Variants in PLEKHA7 observed in about 807,000 individuals in gnomAD.
PLEKHA7 encodes the protein pleckstrin homology domain containing A7, also known as pleckstrin homology domain-containing family A member 7.
In PLEKHA7, 104 loss-of-function variants were observed where a neutral mutation model predicts 170.0. That is an observed-to-expected ratio of 0.61 (90% CI 0.52 to 0.72). The LOEUF (loss-of-function observed/expected upper bound fraction) is 0.72. PLEKHA7 is among the 30% of genes least tolerant of loss of function. The probability of loss-of-function intolerance (pLI) is 0.00; values close to 1 mark genes in which losing one functional copy is unlikely to be tolerated. For missense variants in PLEKHA7, 1,615 were observed against 1,671.7 expected (o/e 0.97, Z 0.59); for synonymous variants, 648 against 660.8 (o/e 0.98, Z 0.30).
At chr11:16,981,871 C>T (rs941790313) in intron 3 of PLEKHA7, among the ~76,000 whole-genome samples, 2 of 152,174 alleles carry the variant, frequency 1.3e-5, no homozygotes, top group Admixed American at 6.5e-5. Context: ...AGGCTGTCGT[C>T]ATGGAGCCGG....
In PLEKHA7 at chr11:16,791,461, A is replaced by T; in HGVS notation, c.2746-262T>A. ...GTATAACTGTGTCCTGAAACCCAGGACTCAGGTCTCCTGGGTCCATGCCCT... is the reference window on the plus strand; with the variant it reads ...GTATAACTGTGTCCTGAAACCCAGGTCTCAGGTCTCCTGGGTCCATGCCCT... On this transcript the variant is annotated intron_variant, in intron 19 of 26. Coordinates refer to ENST00000531066, the MANE Select transcript of PLEKHA7 (RefSeq NM_001329630.2). The surrounding 1 kb of genome is among the most constrained non-coding windows in gnomAD (Gnocchi z 4.5). The T allele has an allele frequency of 1.6e-6, 1 of 615,156 alleles. No homozygotes were observed. Among genetic ancestry groups the T allele is most frequent in the Non-Finnish European group, 3.0e-6 (1 of 334,182 alleles). The allele number at this position is 615,156 out of a possible 1,614,324, so 38.1% of individuals were successfully genotyped here. A position where few individuals can be genotyped will look rare whatever the true frequency, so the allele number is the denominator to read the frequency against.
chr11:16,869,206 C>CT (rs1220660919), intron 4 of PLEKHA7, among the ~76,000 whole-genome samples: 1 of 152,200 alleles, frequency 6.6e-6, no homozygotes. Flanking sequence ...CACTCACTCT[C>CT]TTTACTAGTA....
intron 23 of PLEKHA7, chr11:16,786,830 C>T: frequency 1.0e-6 from 1 of 985,364 alleles, no homozygotes; most frequent in Non-Finnish European, 1.2e-6. Flanking sequence ...AGAAGAATAA[C>T]CAAGGATCTT....
intron 3 of PLEKHA7, among the ~76,000 whole-genome samples, chr11:16,897,874 G>C (rs984848578): frequency 1.3e-5 from 2 of 152,148 alleles, no homozygotes; most frequent in Admixed American, 6.5e-5. Flanking sequence ...CCTCTCAGGG[G>C]ACAAGGAAAA....
At chr11:16,908,833 G>A (rs1858048726) in intron 3 of PLEKHA7, among the ~76,000 whole-genome samples, 1 of 152,186 alleles carries the variant, frequency 6.6e-6, no homozygotes, top group South Asian at 2.1e-4. Flanking sequence ...TACCCAGCCT[G>A]TGTTATTTTG....
At chr11:16,787,140 C>A (rs1409668212) in intron 23 of PLEKHA7, 21 of 985,258 alleles carry the variant, frequency 2.1e-5, no homozygotes, top group Non-Finnish European at 2.5e-5. Flanking sequence ...TGTCCAGCTC[C>A]GTGGTGACTT....
Position 16,801,082 on chromosome 11 carries a change from G to C in PLEKHA7, c.2308-7C>G. The C allele has an allele frequency of 6.2e-7, 1 of 1,612,568 alleles. No homozygotes were observed. Among genetic ancestry groups the C allele is most frequent in the East Asian group, 2.2e-5 (1 of 44,866 alleles). On this transcript the variant is annotated splice_region_variant and splice_polypyrimidine_tract_variant and intron_variant, in intron 16 of 26. Coordinates refer to ENST00000531066, the MANE Select transcript of PLEKHA7 (RefSeq NM_001329630.2). ...TCCAAGCATTTTCCATCTCCTGTTG[G>C]CCAAGACAATGCTTCCGGTTCTTAG... is the stretch of plus-strand genomic sequence containing the variant.
intron 3 of PLEKHA7, among the ~76,000 whole-genome samples, chr11:16,897,002 T>C (rs2135998216): frequency 6.6e-6 from 1 of 152,308 alleles, no homozygotes; most frequent in Admixed American, 6.5e-5. Flanking sequence ...TGATTCTCCA[T>C]CACAGAGCCT....
At chr11:16,953,075 T>C (rs1246589944) in intron 3 of PLEKHA7, among the ~76,000 whole-genome samples, 1 of 151,970 alleles carries the variant, frequency 6.6e-6, no homozygotes, top group African/African-American at 2.4e-5. Flanking sequence ...CACAGGGAGG[T>C]CAAAGAAAAG....
chr11:16,854,971 A>G lies in PLEKHA7; in HGVS notation c.440T>C (p.Val147Ala), dbSNP rs751222557. The change falls in exon 6 of 27, where the codon GTC becomes GCC. Residue 147 changes from valine (V) to alanine (A), a missense_variant. Physicochemically the swap from Val to Ala is moderately conservative, Grantham distance 64. Transcript: ENST00000531066. ...CTGGTCTCTCTTCCCAAAGCTGTGG[A>G]CTTTACTGCTGGACTTTATGATCTA... ...GPKIIKSSSK[V>A]HSFGKRDQAI... is the part of the protein sequence containing the mutation. 1.2e-6 allele frequency: 2 copies of G among 1,614,040 alleles called. No homozygotes were observed.
chr11:16,834,611 C>T (rs1851365488), intron 9 of PLEKHA7, among the ~76,000 whole-genome samples: 1 of 152,200 alleles, frequency 6.6e-6, no homozygotes. Context: ...CTGATATGCC[C>T]TCCTGCCTGA....
rs1849137605 is a variant in PLEKHA7 at position 16,782,845 on chromosome 11, G to T, written c.3702C>A (p.Asp1234Glu). The T allele has an allele frequency of 6.5e-7, 1 of 1,536,086 alleles. No homozygotes were observed. The highest frequency in any genetic ancestry group is 8.7e-7 in the Non-Finnish European group (1 of 1,146,930). ...TSGQDQNSVA[D>E]LDLQLQEQER... ...CCTGCTCCTGCAGCTGCAAGTCCAG[G>T]TCAGCCACACTGTTCTGGTCCTGGC... Residue 1234 changes from aspartate to glutamate, a missense_variant, in exon 26 of 27, where the codon GAC becomes GAA. Physicochemically the swap from Asp to Glu is conservative, Grantham distance 45. Transcript: ENST00000531066.
In PLEKHA7 at chr11:16,813,094, G is replaced by T. The variant is rs768369477; in HGVS notation, c.2007+19C>A. 6 of 1,609,946 alleles carry T rather than the reference G, an allele frequency of 3.7e-6. No individual in the cohort carries two copies. The Admixed American group carries it at 1.0e-4, about 27-fold the overall frequency. ...AAAGGTGAGTATGCAAGGAAGGCAGGAACCCTGATGTCACTTACCTTTAGA... is the reference window on the plus strand; with the variant it reads ...AAAGGTGAGTATGCAAGGAAGGCAGTAACCCTGATGTCACTTACCTTTAGA... On this transcript the variant is annotated intron_variant, in intron 13 of 26. Coordinates refer to ENST00000531066, the MANE Select transcript of PLEKHA7 (RefSeq NM_001329630.2).
chr11:16,985,358 G>T (rs1863661004), intron 3 of PLEKHA7, among the ~76,000 whole-genome samples: 1 of 152,186 alleles, frequency 6.6e-6, no homozygotes, highest in African/African-American at 2.4e-5. Flanking sequence ...CAACCTTTTG[G>T]CTAATATCAA....
chr11:16,844,637 GC>G (rs1250112005), intron 8 of PLEKHA7, among the ~76,000 whole-genome samples: 1 of 152,200 alleles, frequency 6.6e-6, no homozygotes, highest in Non-Finnish European at 1.5e-5. Context: ...AACAAGCTAT[GC>G]CTAAAGGAAA....
intron 9 of PLEKHA7, among the ~76,000 whole-genome samples, chr11:16,827,829 TAAAA>T (rs11358170): frequency 1.5e-5 from 2 of 135,502 alleles, no homozygotes; most frequent in African/African-American, 2.7e-5. Flanking sequence ...ACTCCATGGT[TAAAA>T]AAAAAAAAAA....
chr11:16,854,977 C>T lies in PLEKHA7; in HGVS notation c.434G>A (p.Ser145Asn), dbSNP rs376315114. Residue 145 changes from serine (S) to asparagine (N), a missense_variant, in exon 6 of 27, where the codon AGT becomes AAT. Coordinates refer to ENST00000531066, the MANE Select transcript of PLEKHA7 (RefSeq NM_001329630.2). ...TCTCTTCCCAAAGCTGTGGACTTTA[C>T]TGCTGGACTTTATGATCTATGAAAA... ...KPGPKIIKSS[S>N]KVHSFGKRDQ... 14 of 1,614,084 alleles carry T rather than the reference C, an allele frequency of 8.7e-6. No homozygotes were observed. In the African/African-American group the frequency reaches 9.3e-5, roughly 11 times the overall value.
In PLEKHA7 at chr11:16,791,251, G is replaced by A. The variant is rs754032507; in HGVS notation, c.2746-52C>T. 4 of 1,501,980 alleles carry A rather than the reference G, an allele frequency of 2.7e-6. No individual in the cohort carries two copies. In the South Asian group the frequency reaches 3.9e-5, roughly 15 times the overall value. The allele number at this position is 1,501,980 out of a possible 1,614,324, so 93.0% of individuals were successfully genotyped here. A position where few individuals can be genotyped will look rare whatever the true frequency, so the allele number is the denominator to read the frequency against. ...GGTCAGCGAGACGGAGCTGGAGGGAGGACTGCTAGGTACTGCCACAGTGGA... is the reference window on the plus strand; with the variant it reads ...GGTCAGCGAGACGGAGCTGGAGGGAAGACTGCTAGGTACTGCCACAGTGGA... On this transcript the variant is annotated intron_variant, in intron 19 of 26. Transcript: ENST00000531066. This position sits in a 1 kb window ranked among gnomAD's most constrained non-coding sequence, Gnocchi z 4.5.
chr11:16,889,396 T>A (rs1856444192), intron 3 of PLEKHA7, among the ~76,000 whole-genome samples: 2 of 63,872 alleles, frequency 3.1e-5, no homozygotes, highest in African/African-American at 1.1e-4. Context: ...AAAGCTTTAT[T>A]GCTCAAAAAA....
Sources: allele counts gnomAD v4.1 joint callset (sites outside exome capture counted in the v4.1 genomes callset), GRCh38; gene constraint gnomAD v4.1.1; non-coding constraint Gnocchi (gnomAD v3.1); transcripts MANE v1.5; gene names NCBI Gene and HGNC (gene_info 2026-07-23, HGNC 2026-07-21).